Variants in ADAMTS9 observed in about 807,000 individuals in gnomAD.
The protein encoded by ADAMTS9 is ADAM metallopeptidase with thrombospondin type 1 motif 9.
ADAMTS9 carries 107 observed loss-of-function variants against 257.1 expected under a neutral mutation model. The ratio of observed to expected loss-of-function variants is 0.42; its 90% CI spans 0.36 to 0.49. The LOEUF is 0.49. Ranked by LOEUF, ADAMTS9 falls within the 20% of genes least tolerant of loss-of-function variation. The pLI is 0.03. For synonymous variants in ADAMTS9, 982 were observed against 880.9 expected, an observed-to-expected ratio of 1.11 and a Z score of -2.03; for missense variants, 2,353 against 2,469.1, an observed-to-expected ratio of 0.95 and a Z score of 1.00.
intron 27 of ADAMTS9, among the ~76,000 whole-genome samples, chr3:64,596,289 G>A (rs772991238): frequency 2.0e-5 from 3 of 152,142 alleles, no homozygotes; most frequent in Admixed American, 6.5e-5. Context: ...CCTATCAGTC[G>A]TCACAGGCAA....
rs377689121 is a variant in ADAMTS9 at position 64,546,906 on chromosome 3, C to A, written c.4916G>T (p.Cys1639Phe). The part of the protein sequence containing the change: ...GKGYKQRLVS[C>F]SEIYTGKENY... Reference sequence around the variant, plus strand: ...CTCCTTCCCGGTGTAAATCTCGCTGCACGAGACAAGCCTTTGTTTGTAGCC... The same window carrying A: ...CTCCTTCCCGGTGTAAATCTCGCTGAACGAGACAAGCCTTTGTTTGTAGCC... The change falls in exon 32 of 40, where the codon TGC becomes TTC. Residue 1639 changes from cysteine (C) to phenylalanine (F), a missense_variant. Cys to Phe is a radical substitution (Grantham distance 205). Transcript: ENST00000498707. 5.0e-6 allele frequency: 8 copies of A among 1,613,068 alleles called. No homozygotes were observed. Among genetic ancestry groups the A allele is most frequent in the African/African-American group, 1.3e-5 (1 of 74,808 alleles).
chr3:64,541,217 G>A lies in ADAMTS9; in HGVS notation c.5399C>T (p.Pro1800Leu). The change falls in exon 36 of 40, where the codon CCA (proline) becomes CTA (leucine). Residue 1800 changes from proline (P) to leucine (L), a missense_variant. Physicochemically the swap from Pro to Leu is moderately conservative, Grantham distance 98 (BLOSUM62 -3). Around this residue, in one of 3 missense-constraint regions of ADAMTS9, gnomAD observed 1,402 missense variants for 1,441.4 expected, o/e 0.97. Coordinates refer to ENST00000498707, the MANE Select transcript of ADAMTS9 (RefSeq NM_182920.2). ...SEVYGHRLHN[P>L]TECPYNGSRR... ...GCTCCCGTTATAGGGACATTCTGTTGGGTTGTGTAACCTAAATTATACAGA... is the reference window on the plus strand; with the variant it reads ...GCTCCCGTTATAGGGACATTCTGTTAGGTTGTGTAACCTAAATTATACAGA... 3.7e-6 allele frequency: 6 copies of A among 1,614,162 alleles called. No individual in the cohort carries two copies. Among genetic ancestry groups the A allele is most frequent in the Non-Finnish European group, 5.1e-6 (6 of 1,180,022 alleles).
At chr3:64,598,510 A>G (rs1367266390) in intron 26 of ADAMTS9, among the ~76,000 whole-genome samples, 1 of 151,898 alleles carries the variant, frequency 6.6e-6, no homozygotes, top group East Asian at 1.9e-4. Context: ...CGTAGAGACA[A>G]GGTCTCACTA....
chr3:64,566,529 C>A (rs2083549899), intron 29 of ADAMTS9, among the ~76,000 whole-genome samples: 1 of 152,020 alleles, frequency 6.6e-6, no homozygotes, highest in African/African-American at 2.4e-5. Context: ...GGCAAAAACC[C>A]CCAGGGTTTA....
At position 64,686,652 on chromosome 3, in the gene ADAMTS9, T is replaced by C; in HGVS notation, c.432A>G (p.Glu144=). 6.2e-7 allele frequency: 1 copy of C among 1,614,152 alleles called. No individual in the cohort carries two copies. The highest frequency in any genetic ancestry group is 8.5e-7 in the Non-Finnish European group (1 of 1,180,020). ...VNQTKFYSEE[E]AELKHCFYKG... ...TGTAGAAACAGTGCTTGAGTTCCGC[T>C]TCCTCTTCGGAATAAAACTTGGTCT... Residue 144 remains glutamate, a synonymous_variant, in exon 2 of 40, where the codon GAA becomes GAG. Coordinates refer to ENST00000498707, the MANE Select transcript of ADAMTS9 (RefSeq NM_182920.2). The surrounding 1 kb of genome is among the most constrained non-coding windows in gnomAD (Gnocchi z 4.6).
At chr3:64,652,214 T>C (rs1474471698) in intron 8 of ADAMTS9, among the ~76,000 whole-genome samples, 1 of 152,198 alleles carries the variant, frequency 6.6e-6, no homozygotes, top group East Asian at 1.9e-4. Flanking sequence ...CAGAAGCACA[T>C]AGACTTGCAT....
chr3:64,611,639 G>A (rs1269598188), intron 22 of ADAMTS9, among the ~76,000 whole-genome samples: 2 of 152,120 alleles, frequency 1.3e-5, no homozygotes, highest in Non-Finnish European at 2.9e-5. Flanking sequence ...ATTCTCATAA[G>A]GAGTTCACAA....
rs563036613 is a variant in ADAMTS9, at chr3:64,551,354, C to T, written c.4699-292G>A. On this transcript the variant is annotated intron_variant, in intron 30 of 39. Transcript: ENST00000498707. ...CCTCCCGAGTAGCTGGGACTACAGG[C>T]GCCCGCCACCACGCCAGGCTAATTT... is the stretch of plus-strand genomic sequence containing the variant. Among the ~76,000 whole-genome samples the T allele has an allele frequency of 2.0e-4, 31 of 152,202 alleles. No individual in the cohort carries two copies. In the South Asian group the frequency reaches 4.4e-3, roughly 21 times the overall value.
At chr3:64,582,525 GA>G (rs1422965472) in intron 28 of ADAMTS9, 1 of 152,174 alleles carries the variant, frequency 6.6e-6, no homozygotes, top group Non-Finnish European at 1.5e-5. Context: ...TAGGAATATG[GA>G]AAGAGAAATT....
At chr3:64,668,214 T>G (rs1559820057) in intron 3 of ADAMTS9, among the ~76,000 whole-genome samples, 1 of 152,306 alleles carries the variant, frequency 6.6e-6, no homozygotes, top group South Asian at 2.1e-4. Flanking sequence ...AAGCCACACG[T>G]GAAAGTTAAG....
intron 8 of ADAMTS9, 72 bp downstream of exon 8, chr3:64,654,280 AT>A: frequency 2.1e-6 from 3 of 1,424,030 alleles, no homozygotes; most frequent in Non-Finnish European, 1.9e-6. Context: ...AGTCAAGTAA[AT>A]GCTCACTGAT....
In ADAMTS9 at chr3:64,626,655, C is replaced by T. The variant is rs150477500; in HGVS notation, c.2390-4069G>A. 1.4e-4 allele frequency among the ~76,000 whole-genome samples: 21 copies of T among 152,210 alleles called. No homozygotes were observed. The East Asian group carries it at 2.5e-3, about 18-fold the overall frequency. Reference sequence around the variant, plus strand: ...ACTTCACCACTACCCAATATATGCACGTAAGAAACCTGTAGTCCTACCCCT... The same window carrying T: ...ACTTCACCACTACCCAATATATGCATGTAAGAAACCTGTAGTCCTACCCCT... On this transcript the variant is annotated intron_variant, in intron 16 of 39. Transcript: ENST00000498707.
chr3:64,655,518 C>A (rs1701046053), intron 6 of ADAMTS9, 58 bp downstream of exon 6: 2 of 1,388,142 alleles, frequency 1.4e-6, no homozygotes, highest in South Asian at 1.2e-5. Context: ...AATGCATGAC[C>A]ACATCCCATC....
chr3:64,577,597 T>C (rs2083887224), intron 28 of ADAMTS9, among the ~76,000 whole-genome samples: 1 of 152,178 alleles, frequency 6.6e-6, no homozygotes. Context: ...CAAAGTTTCT[T>C]GGTACTCTCA....
chr3:64,681,184 A>T lies in ADAMTS9; in HGVS notation c.679+17T>A. ...TCTCAAAGAGCTGGGCTCTCCGCTT[A>T]AGCAAGAAGCAAATACCTGAGGTGT... On this transcript the variant is annotated intron_variant, in intron 3 of 39. Transcript: ENST00000498707. The T allele has an allele frequency of 6.2e-7, 1 of 1,607,692 alleles. No individual in the cohort carries two copies. Among genetic ancestry groups the T allele is most frequent in the Non-Finnish European group, 8.5e-7 (1 of 1,177,892 alleles).
intron 4 of ADAMTS9, among the ~76,000 whole-genome samples, chr3:64,657,673 A>T (rs766081479): frequency 8.8e-5 from 13 of 147,040 alleles, no homozygotes; most frequent in Non-Finnish European, 1.8e-4. Flanking sequence ...ATGTGGCTAC[A>T]TGAAAATTTA....
At chr3:64,574,236 A>G (rs1236368725) in intron 28 of ADAMTS9, among the ~76,000 whole-genome samples, 1 of 152,160 alleles carries the variant, frequency 6.6e-6, no homozygotes, top group East Asian at 1.9e-4. Flanking sequence ...CATACTAGCT[A>G]CCTTTCATTG....
chr3:64,658,945 C>A (rs1701156177), intron 3 of ADAMTS9, among the ~76,000 whole-genome samples, 154 bp from the exon 4 acceptor site: 1 of 152,208 alleles, frequency 6.6e-6, no homozygotes, highest in Non-Finnish European at 1.5e-5. Context: ...TCAATCCGTA[C>A]TCCCACCTAA....
At chr3:64,614,608 C>T (rs1045180973) in intron 21 of ADAMTS9, among the ~76,000 whole-genome samples, 2 of 152,122 alleles carry the variant, frequency 1.3e-5, no homozygotes, top group South Asian at 2.1e-4. Context: ...CCTTAAGGAA[C>T]GTGGAGTGAG....
Sources: gnomAD v4.1 joint callset for allele counts (sites outside exome capture counted in the v4.1 genomes callset) on GRCh38, gnomAD v4.1.1 for gene constraint, gnomAD v4.1.1 regional missense constraint, Gnocchi (gnomAD v3.1) non-coding constraint, MANE v1.5 for transcripts, NCBI Gene and HGNC (gene_info 2026-07-23, HGNC 2026-07-21) for gene names.